The following ITPR2 variants were observed in gnomAD, a reference collection of about 807,000 sequenced individuals.
ITPR2 encodes the protein inositol 1,4,5-trisphosphate receptor type 2.
ITPR2 carries 207 observed loss-of-function variants against 317.1 expected under a neutral mutation model. The ratio of observed to expected loss-of-function variants is 0.65; its 90% CI spans 0.58 to 0.73. The LOEUF (loss-of-function observed/expected upper bound fraction) is 0.73. Ranked by LOEUF, ITPR2 falls within the 30% of genes least tolerant of loss-of-function variation. The pLI, the probability that ITPR2 is intolerant of heterozygous loss-of-function variation, is 0.00. For missense variants in ITPR2, 2,613 were observed against 3,284.0 expected (o/e 0.80, Z 4.99); for synonymous variants, 1,156 against 1,149.1 (o/e 1.01, Z -0.12).
chr12:26,455,948 C>T (rs1202968140), intron 45 of ITPR2, among the ~76,000 whole-genome samples: 1 of 151,960 alleles, frequency 6.6e-6, no homozygotes, highest in East Asian at 1.9e-4. Flanking sequence ...ACATAAAGAC[C>T]CACTTCTCTT....
At chr12:26,519,135 G>A (rs945622448) in intron 37 of ITPR2, among the ~76,000 whole-genome samples, 16 of 152,240 alleles carry the variant, frequency 1.1e-4, no homozygotes, top group African/African-American at 3.4e-4. Flanking sequence ...CTTTTTAACT[G>A]TTTCAGAGCA....
chr12:26,393,749 G>C (rs1275486580), intron 54 of ITPR2, among the ~76,000 whole-genome samples: 1 of 152,136 alleles, frequency 6.6e-6, no homozygotes, highest in East Asian at 1.9e-4. Flanking sequence ...ACATCTCTTT[G>C]TGCATCCTGC....
intron 31 of ITPR2, 107 bp from the exon 32 acceptor site, chr12:26,595,697 A>G: frequency 1.1e-6 from 1 of 888,818 alleles, no homozygotes; most frequent in Non-Finnish European, 1.6e-6. Context: ...ATGGTAGATC[A>G]TAGCATAGTT....
chr12:26,519,289 T>C (rs1196435850), intron 37 of ITPR2, among the ~76,000 whole-genome samples: 5 of 152,200 alleles, frequency 3.3e-5, no homozygotes, highest in African/African-American at 7.2e-5. Context: ...TGTTTGTGTG[T>C]TGGTGAATTC....
chr12:26,645,022 C>T (rs969610864), intron 21 of ITPR2, among the ~76,000 whole-genome samples: 1 of 152,142 alleles, frequency 6.6e-6, no homozygotes, highest in Non-Finnish European at 1.5e-5. Context: ...CTGAAGACAT[C>T]CCAACTTCAA....
At chr12:26,383,466 T>TTTTGTTTG (rs144997730) in intron 55 of ITPR2, among the ~76,000 whole-genome samples, 3 of 151,348 alleles carry the variant, frequency 2.0e-5, no homozygotes, top group East Asian at 2.0e-4. Context: ...TTCTATGTTT[T>TTTTGTTTG]TTTGTTTGTT....
At chr12:26,612,044 A>G (rs530045593) in intron 26 of ITPR2, among the ~76,000 whole-genome samples, 14 of 152,348 alleles carry the variant, frequency 9.2e-5, no homozygotes, top group Middle Eastern at 6.8e-3. Flanking sequence ...AATGGGCTTA[A>G]TAGACAACCA....
chr12:26,500,780 A>G (rs1943054975), intron 37 of ITPR2, among the ~76,000 whole-genome samples: 1 of 152,186 alleles, frequency 6.6e-6, no homozygotes, highest in Non-Finnish European at 1.5e-5. Flanking sequence ...TTTCATGGAT[A>G]GAAAGGATAA....
At chr12:26,417,715 T>C (rs533811633) in intron 50 of ITPR2, among the ~76,000 whole-genome samples, 3 of 152,190 alleles carry the variant, frequency 2.0e-5, no homozygotes, top group Non-Finnish European at 2.9e-5. Flanking sequence ...AGTATATTCA[T>C]AGCAGTGTGA....
chr12:26,637,794 C>T (rs985270811), intron 21 of ITPR2, among the ~76,000 whole-genome samples: 21 of 152,076 alleles, frequency 1.4e-4, no homozygotes, highest in African/African-American at 1.9e-4. Context: ...TCTTATAATA[C>T]GGCATGATCA....
At chr12:26,398,742 A>AGAG in intron 54 of ITPR2, 134 bp downstream of exon 54, 1 of 696,384 alleles carries the variant, frequency 1.4e-6, no homozygotes, top group Non-Finnish European at 2.4e-6. Context: ...ATGCTCAGTT[A>AGAG]CATAATCTGA....
chr12:26,602,433 T>G lies in ITPR2; in HGVS notation c.3615A>C (p.Arg1205=). 1 of 1,613,812 alleles carries G rather than the reference T, an allele frequency of 6.2e-7. No homozygotes were observed. Among genetic ancestry groups the G allele is most frequent in the Non-Finnish European group, 8.5e-7 (1 of 1,179,772 alleles). ...AATGCGCCCCCATATTTTTCAGTAA[T>G]CGTTGATGTTGATTCCGACACTTTT... ...QNKKCRNQHQ[R]LLKNMGAHSV... The change falls in exon 28 of 57, where the codon CGA becomes CGC. Residue 1205 remains arginine (R), a synonymous_variant. Coordinates refer to ENST00000381340, the MANE Select transcript of ITPR2 (RefSeq NM_002223.4).
At chr12:26,685,096 A>C (rs182283078) in intron 11 of ITPR2, among the ~76,000 whole-genome samples, 41 of 152,260 alleles carry the variant, frequency 2.7e-4, no homozygotes, top group Non-Finnish European at 1.8e-4. Flanking sequence ...GGAAACCCAC[A>C]CAATGCCTGC....
At chr12:26,412,886 T>C (rs948053293) in intron 51 of ITPR2, among the ~76,000 whole-genome samples, 1 of 152,068 alleles carries the variant, frequency 6.6e-6, no homozygotes, top group East Asian at 1.9e-4. Flanking sequence ...CCAGTGCAGA[T>C]CTAAAGGCTG....
At chr12:26,426,254 T>C (rs546444944) in intron 49 of ITPR2, among the ~76,000 whole-genome samples, 1 of 152,318 alleles carries the variant, frequency 6.6e-6, no homozygotes, top group African/African-American at 2.4e-5. Flanking sequence ...ATTATTTGCT[T>C]CTTCAAATAA....
chr12:26,618,629 A>G (rs749379913), intron 26 of ITPR2, among the ~76,000 whole-genome samples: 2 of 152,226 alleles, frequency 1.3e-5, no homozygotes, highest in Admixed American at 6.5e-5. Flanking sequence ...AACATACTGC[A>G]TGTGTTACTC....
intron 37 of ITPR2, among the ~76,000 whole-genome samples, chr12:26,515,222 G>A (rs1943454803): frequency 6.6e-6 from 1 of 152,096 alleles, no homozygotes; most frequent in African/African-American, 2.4e-5. Flanking sequence ...TAGTTTTCTT[G>A]GAATGCTCAA....
Position 26,398,212 on chromosome 12 carries a change from C to G in ITPR2, c.7696+664G>C, listed in dbSNP as rs144178236. ...CCAAGGCGGGTGGATCACCTGAGGT[C>G]AGGAGTTCGAGACCAGCCTGGCCAA... is the stretch of plus-strand genomic sequence containing the variant. On this transcript the variant is annotated intron_variant, in intron 54 of 56. Transcript: ENST00000381340. 6.2e-3 allele frequency among the ~76,000 whole-genome samples: 950 copies of G among 152,194 alleles called. 10 individuals carry two copies. The highest frequency in any genetic ancestry group is 0.022 in the African/African-American group (907 of 41,496).
intron 13 of ITPR2, among the ~76,000 whole-genome samples, chr12:26,681,606 G>A (rs538080753): frequency 6.6e-6 from 1 of 152,144 alleles, no homozygotes; most frequent in South Asian, 2.1e-4. Flanking sequence ...TCTCACAAAG[G>A]ATTTAAAAAA....
Sources: allele counts gnomAD v4.1 joint callset (sites outside exome capture counted in the v4.1 genomes callset), GRCh38; gene constraint gnomAD v4.1.1; transcripts MANE v1.5; gene names NCBI Gene and HGNC (gene_info 2026-07-23, HGNC 2026-07-21).